PFKP: variants seen among roughly 807,000 people sequenced by gnomAD.
The protein encoded by PFKP is phosphofructokinase, platelet.
PFKP carries 101 observed loss-of-function variants against 94.3 expected under a neutral mutation model. That is an observed-to-expected ratio of 1.07 (90% CI 0.91 to 1.26). The LOEUF (loss-of-function observed/expected upper bound fraction) is 1.26. Ranked by LOEUF, PFKP falls within the 50% of genes most tolerant of loss-of-function variation. PFKP has a pLI of 0.00. For missense variants in PFKP, 1,145 were observed against 1,103.3 expected (o/e 1.04, Z -0.53); for synonymous variants, 573 against 432.6 (o/e 1.32, Z -4.03).
At chr10:3,130,955 ATTTC>A (rs1838506873) in intron 17 of PFKP, among the ~76,000 whole-genome samples, 1 of 152,176 alleles carries the variant, frequency 6.6e-6, no homozygotes, top group Non-Finnish European at 1.5e-5. Context: ...TGAATCACGA[ATTTC>A]TTTACCATGT....
chr10:3,124,396 G>A (rs1263422461), intron 16 of PFKP, among the ~76,000 whole-genome samples: 1 of 152,206 alleles, frequency 6.6e-6, no homozygotes, highest in African/African-American at 2.4e-5. Context: ...AAACCCCGGT[G>A]TACACGGGCT....
intron 2 of PFKP, among the ~76,000 whole-genome samples, chr10:3,097,910 G>A (rs1185839183): frequency 6.6e-6 from 1 of 152,236 alleles, no homozygotes; most frequent in Non-Finnish European, 1.5e-5. Flanking sequence ...TCTGGAGGCT[G>A]AGGCAGGAGA....
intron 1 of PFKP, among the ~76,000 whole-genome samples, chr10:3,075,410 G>A (rs1236558413): frequency 6.6e-6 from 1 of 151,786 alleles, no homozygotes; most frequent in Non-Finnish European, 1.5e-5. Flanking sequence ...CTCAAGGGCA[G>A]TATTGAAGAG....
rs1804254 is a variant in PFKP, at chr10:3,135,825, C to A, written c.2212C>A (p.Gln738Lys). 2.3e-3 allele frequency: 3,659 copies of A among 1,610,576 alleles called. 36 individuals are homozygous for A. Among genetic ancestry groups the A allele is most frequent in the South Asian group, 0.014 (1,263 of 90,962 alleles). Residue 738 changes from glutamine to lysine, a missense_variant, in exon 21 of 22, where the codon CAA becomes AAA. This residue lies in a region of PFKP where 1,119 missense variants were observed against 1,062.8 expected (regional missense o/e 1.05). Transcript: ENST00000381125. The stretch of plus-strand genomic sequence containing the variant: ...TCAACCTGTGGCAGAGCTGAAGAAG[C>A]AAACGGATTTTGAGTAAGTTGGCTG... Reference protein sequence around the residue: ...IFQPVAELKKQTDFEHRIPKE... With the variant: ...IFQPVAELKKKTDFEHRIPKE...
chr10:3,135,176 G>A (rs976356815), intron 20 of PFKP, among the ~76,000 whole-genome samples: 4 of 152,104 alleles, frequency 2.6e-5, no homozygotes, highest in Non-Finnish European at 5.9e-5. Context: ...CTTTGTGCCA[G>A]CATCTTTCTC....
chr10:3,095,935 CAGAA>C (rs1399239278), intron 2 of PFKP, among the ~76,000 whole-genome samples: 2 of 147,710 alleles, frequency 1.4e-5, no homozygotes, highest in South Asian at 2.2e-4. Flanking sequence ...AGGTGGCACT[CAGAA>C]AGCCCTCCCT....
intron 16 of PFKP, among the ~76,000 whole-genome samples, chr10:3,122,215 A>G (rs1317926003): frequency 3.9e-5 from 6 of 152,094 alleles, no homozygotes; most frequent in African/African-American, 1.4e-4. Context: ...TGGTAAGTGC[A>G]TGTGTGTGTC....
intron 17 of PFKP, among the ~76,000 whole-genome samples, chr10:3,131,365 C>A (rs943508121): frequency 1.4e-4 from 22 of 152,162 alleles, no homozygotes; most frequent in African/African-American, 4.6e-4. Context: ...TGTTACATGA[C>A]TCATGACCGT....
chr10:3,081,677 G>T (rs533724153), intron 1 of PFKP, among the ~76,000 whole-genome samples: 3 of 152,178 alleles, frequency 2.0e-5, no homozygotes, highest in Non-Finnish European at 4.4e-5. Flanking sequence ...CAAATCCAGC[G>T]GCAGTGGAGA....
chr10:3,109,576 G>A, intron 10 of PFKP, 96 bp downstream of exon 10: 8 of 1,440,868 alleles, frequency 5.6e-6, no homozygotes, highest in Non-Finnish European at 6.6e-6. Flanking sequence ...TCTCGTCGGT[G>A]CACGATGCAT....
At chr10:3,136,170 A>C (rs1276963826) in intron 21 of PFKP, among the ~76,000 whole-genome samples, 1 of 152,198 alleles carries the variant, frequency 6.6e-6, no homozygotes, top group Non-Finnish European at 1.5e-5. Flanking sequence ...AGGCTGAGGC[A>C]GGAGAAATCG....
intron 2 of PFKP, among the ~76,000 whole-genome samples, chr10:3,089,189 C>T (rs1322266676): frequency 2.6e-5 from 4 of 152,160 alleles, no homozygotes; most frequent in Admixed American, 2.6e-4. Flanking sequence ...CCTCCTGGGC[C>T]TCCCAAAGTG....
intron 4 of PFKP, 53 bp from the exon 5 acceptor site, chr10:3,103,726 C>G (rs1285922706): frequency 1.0e-5 from 16 of 1,601,730 alleles, no homozygotes; most frequent in Non-Finnish European, 1.3e-5. Context: ...TGGGGCACCC[C>G]CCGAACGCGC....
chr10:3,111,000 G>A (rs921951768), intron 10 of PFKP, among the ~76,000 whole-genome samples: 7 of 151,770 alleles, frequency 4.6e-5, no homozygotes, highest in Non-Finnish European at 8.8e-5. Flanking sequence ...ACATTTGAGT[G>A]TGAGGTAGTA....
intron 1 of PFKP, among the ~76,000 whole-genome samples, chr10:3,068,198 G>A (rs1447429043): frequency 2.0e-5 from 3 of 151,954 alleles, no homozygotes; most frequent in Admixed American, 6.5e-5. Flanking sequence ...TCCGCCGCAC[G>A]CCACCCCCTA....
intron 7 of PFKP, among the ~76,000 whole-genome samples, 167 bp downstream of exon 7, chr10:3,105,668 T>A (rs1011979664): frequency 3.9e-5 from 6 of 152,174 alleles, no homozygotes; most frequent in African/African-American, 1.2e-4. Flanking sequence ...CATGTTTTCC[T>A]CTATGAAGGC....
At chr10:3,068,790 C>T (rs1354106913) in intron 1 of PFKP, 3 of 735,496 alleles carry the variant, frequency 4.1e-6, no homozygotes, top group African/African-American at 1.9e-5. Flanking sequence ...CCTTAGCGAT[C>T]GCGCAGGCTG....
chr10:3,119,470 T>TGATG (rs1162244667), intron 15 of PFKP, among the ~76,000 whole-genome samples: 1 of 152,016 alleles, frequency 6.6e-6, no homozygotes, highest in East Asian at 1.9e-4. Context: ...CCGGGTGTGG[T>TGATG]GGCAGGTGCC....
chr10:3,076,039 A>AAAG (rs1832561630), intron 1 of PFKP, among the ~76,000 whole-genome samples: 1 of 140,560 alleles, frequency 7.1e-6, no homozygotes, highest in African/African-American at 2.7e-5. Context: ...AAAAAAAAAA[A>AAAG]AGTAAAAACC....
Sources: gnomAD v4.1 joint callset for allele counts (sites outside exome capture counted in the v4.1 genomes callset) on GRCh38, gnomAD v4.1.1 for gene constraint, gnomAD v4.1.1 regional missense constraint, MANE v1.5 for transcripts, NCBI Gene and HGNC (gene_info 2026-07-23, HGNC 2026-07-21) for gene names.